The following NME8 variants were observed in gnomAD, a reference collection of about 807,000 sequenced individuals.
NME8 encodes protein NME8.
A neutral mutation model predicts 82.3 loss-of-function variants in NME8; 72 were observed. The ratio of observed to expected loss-of-function variants is 0.87; its 90% CI spans 0.72 to 1.06. The LOEUF is 1.06. NME8 is among the 50% of genes least tolerant of loss of function. NME8 has a pLI of 0.00. For missense variants in NME8, 712 were observed against 685.4 expected, an observed-to-expected ratio of 1.04 and a Z score of -0.43; for synonymous variants, 267 against 228.5, an observed-to-expected ratio of 1.17 and a Z score of -1.52.
At chr7:37,876,215 A>ACTAT (rs1784847287) in intron 11 of NME8, among the ~76,000 whole-genome samples, 1 of 137,460 alleles carries the variant, frequency 7.3e-6, no homozygotes, top group Admixed American at 7.6e-5. Context: ...TCAAAAAAAC[A>ACTAT]CTATATATAT....
intron 5 of NME8, among the ~76,000 whole-genome samples, chr7:37,852,792 AG>A (rs1305425695): frequency 2.6e-4 from 39 of 152,342 alleles, no homozygotes; most frequent in African/African-American, 8.9e-4. Flanking sequence ...GGCTGCTATA[AG>A]CATCCATGCT....
rs200863038 is a variant in NME8, at chr7:37,864,378, C to T, written c.485C>T (p.Pro162Leu). The part of the protein sequence containing the change: ...QELYSIAIIK[P>L]DAVISKKVLE... ...TTATACAGTATTGCTATTATCAAAC[C>T]GGATGCTGTGATTAGTAAAAAAGTT... The change falls in exon 9 of 18, where the codon CCG becomes CTG. Residue 162 changes from proline (P) to leucine (L), a missense_variant. Physicochemically the swap from Pro to Leu is moderately conservative, Grantham distance 98 (BLOSUM62 -3). Coordinates refer to ENST00000199447, the MANE Select transcript of NME8 (RefSeq NM_016616.5). The T allele has an allele frequency of 2.8e-5, 45 of 1,590,346 alleles. 1 individual carries two copies. Among genetic ancestry groups the T allele is most frequent in the Middle Eastern group, 3.4e-4 (2 of 5,956 alleles).
intron 5 of NME8, among the ~76,000 whole-genome samples, chr7:37,853,133 G>T (rs1378697320): frequency 6.6e-6 from 1 of 152,038 alleles, no homozygotes; most frequent in Non-Finnish European, 1.5e-5. Context: ...TCTTTGAGGA[G>T]GTGTCTGCTA....
chr7:37,895,376 A>T (rs185156255), intron 16 of NME8, among the ~76,000 whole-genome samples: 1 of 152,244 alleles, frequency 6.6e-6, no homozygotes, highest in East Asian at 1.9e-4. Context: ...TTTGACTCTT[A>T]TAATAATAAC....
rs185172846 is a variant in NME8 at position 37,887,321 on chromosome 7, T to G, written c.1248-956T>G. The stretch of plus-strand genomic sequence containing the variant: ...TGCTGTTGTTGCTCACCTGGAGGTT[T>G]CCCTTCAGTATCTTCTGGATTTAAT... On this transcript the variant is annotated intron_variant, in intron 14 of 17. Coordinates refer to ENST00000199447, the MANE Select transcript of NME8 (RefSeq NM_016616.5). Among the ~76,000 whole-genome samples, 7 of 152,310 alleles carry G rather than the reference T, an allele frequency of 4.6e-5. No individual in the cohort carries two copies. The South Asian group carries it at 1.0e-3, about 23-fold the overall frequency.
chr7:37,868,366 T>G (rs1254160688), intron 11 of NME8, among the ~76,000 whole-genome samples: 2 of 152,132 alleles, frequency 1.3e-5, no homozygotes, highest in Admixed American at 1.3e-4. Flanking sequence ...TCAGCAAGGG[T>G]TGCACAATGA....
rs1226400545 is a variant in NME8 at position 37,876,841 on chromosome 7, A to G, written c.828A>G (p.Glu276=). 4 of 1,611,602 alleles carry G rather than the reference A, an allele frequency of 2.5e-6. No homozygotes were observed. The highest frequency in any genetic ancestry group is 3.4e-6 in the Non-Finnish European group (4 of 1,178,210). ...TTTTGGATTTTGACAGTTTACAAGA[A>G]TATCTGGAAAGACAACATTTAGCTC... ...MMKNKQDSLQ[E]YLERQHLAQL... The change falls in exon 12 of 18, where the codon GAA becomes GAG. Residue 276 remains glutamate, a synonymous_variant. Transcript: ENST00000199447.
chr7:37,876,916 T>G lies in NME8; in HGVS notation c.903T>G (p.Asp301Glu). Reference sequence around the variant, plus strand: ...CAGCTAATGTTGCTAAGTTCATGGATGCTTTCTTCCCCGATTTTAAAAAAA... The same window carrying G: ...CAGCTAATGTTGCTAAGTTCATGGAGGCTTTCTTCCCCGATTTTAAAAAAA... ...EDAANVAKFM[D>E]AFFPDFKKMK... Residue 301 changes from aspartate (D) to glutamate (E), a missense_variant, in exon 12 of 18, where the codon GAT (aspartate) becomes GAG (glutamate). Transcript: ENST00000199447. 1 of 1,612,896 alleles carries G rather than the reference T, an allele frequency of 6.2e-7. No homozygotes were observed. The highest frequency in any genetic ancestry group is 8.5e-7 in the Non-Finnish European group (1 of 1,179,158).
intron 11 of NME8, among the ~76,000 whole-genome samples, chr7:37,873,371 A>AAAAG (rs918671468): frequency 5.6e-5 from 7 of 124,476 alleles, no homozygotes; most frequent in South Asian, 3.3e-4. Context: ...AAAAAAAAAA[A>AAAAG]AAAGAAAAGA....
At chr7:37,864,684 G>C (rs1043825453) in intron 9 of NME8, among the ~76,000 whole-genome samples, 5 of 152,114 alleles carry the variant, frequency 3.3e-5, no homozygotes, top group African/African-American at 1.2e-4. Context: ...ATATTAGTCT[G>C]TCTTCATGCT....
intron 6 of NME8, among the ~76,000 whole-genome samples, chr7:37,859,659 T>A (rs1784569613): frequency 6.6e-6 from 1 of 152,190 alleles, no homozygotes; most frequent in Admixed American, 6.6e-5. Flanking sequence ...TTACCGACCT[T>A]CAGATCAGGT....
At chr7:37,856,241 TA>T (rs1784509260) in intron 5 of NME8, among the ~76,000 whole-genome samples, 1 of 152,220 alleles carries the variant, frequency 6.6e-6, no homozygotes, top group South Asian at 2.1e-4. Flanking sequence ...TCAAATTTCA[TA>T]CGTTAAAATC....
At chr7:37,867,654 A>G (rs762945954) in intron 10 of NME8, 48 bp from the exon 11 acceptor site, 1 of 1,457,862 alleles carries the variant, frequency 6.9e-7, no homozygotes, top group South Asian at 1.1e-5. Context: ...ATTTTAGTCC[A>G]TCCATTTCAG....
chr7:37,888,070 A>C (rs1785070804), intron 14 of NME8, among the ~76,000 whole-genome samples: 1 of 152,162 alleles, frequency 6.6e-6, no homozygotes, highest in South Asian at 2.1e-4. Flanking sequence ...TTGATGATTT[A>C]AATGATCACA....
Position 37,862,077 on chromosome 7 carries a change from A to G in NME8, c.320A>G (p.Asn107Ser), listed in dbSNP as rs1016173782. 7.4e-6 allele frequency: 12 copies of G among 1,613,864 alleles called. No individual in the cohort carries two copies. Among genetic ancestry groups the G allele is most frequent in the Non-Finnish European group, 1.0e-5 (12 of 1,179,866 alleles). The stretch of plus-strand genomic sequence containing the variant: ...CAGGGTGCAAATGCACCGCTTGTTA[A>G]TAAAAAAGTTATTAATTTGATCGAT... Reference protein sequence around the residue: ...KIQGANAPLVNKKVINLIDEE... With the variant: ...KIQGANAPLVSKKVINLIDEE... Residue 107 changes from asparagine (N) to serine (S), a missense_variant, in exon 7 of 18, where the codon AAT becomes AGT. Physicochemically the swap from Asn to Ser is conservative, Grantham distance 46. Coordinates refer to ENST00000199447, the MANE Select transcript of NME8 (RefSeq NM_016616.5).
At chr7:37,898,444 A>G (rs1785263638) in intron 17 of NME8, among the ~76,000 whole-genome samples, 1 of 152,258 alleles carries the variant, frequency 6.6e-6, no homozygotes, top group African/African-American at 2.4e-5. Context: ...AAAATGATTC[A>G]CAATAGCCAA....
intron 5 of NME8, among the ~76,000 whole-genome samples, chr7:37,854,188 A>G (rs1020151189): frequency 3.3e-5 from 5 of 152,168 alleles, no homozygotes; most frequent in Admixed American, 3.3e-4. Flanking sequence ...TATGTGTATT[A>G]TATACTATAT....
chr7:37,859,219 C>A (rs1426829417), intron 6 of NME8, among the ~76,000 whole-genome samples: 1 of 152,196 alleles, frequency 6.6e-6, no homozygotes, highest in Non-Finnish European at 1.5e-5. Flanking sequence ...CCCCACTCTC[C>A]TTAAGTGTAC....
chr7:37,858,682 T>A (rs1031067656), intron 6 of NME8, among the ~76,000 whole-genome samples: 1 of 151,936 alleles, frequency 6.6e-6, no homozygotes, highest in African/African-American at 2.4e-5. Flanking sequence ...ACGTAGTGGG[T>A]AGGTGCATGG....
Sources: gnomAD v4.1 joint callset for allele counts (sites outside exome capture counted in the v4.1 genomes callset) on GRCh38, gnomAD v4.1.1 for gene constraint, MANE v1.5 for transcripts, NCBI Gene and HGNC (gene_info 2026-07-23, HGNC 2026-07-21) for gene names.